RP1: variants seen among roughly 807,000 people sequenced by gnomAD.
RP1 encodes the protein oxygen-regulated protein 1.
A neutral mutation model predicts 14.8 loss-of-function variants in RP1; 16 were observed. The observed-to-expected ratio is 1.08, with a 90% CI of 0.73 to 1.65. The LOEUF (loss-of-function observed/expected upper bound fraction) is 1.65, where lower values mean the gene tolerates loss of function less well. Ranked by LOEUF, RP1 falls within the 40% of genes most tolerant of loss-of-function variation. The pLI is 0.00. For synonymous variants in RP1, 876 were observed against 883.6 expected (o/e 0.99, Z 0.15); for missense variants, 2,631 against 2,535.0 (o/e 1.04, Z -0.81).
At chr8:54,658,244 AT>A (rs1484263492) in intron 6 of RP1, among the ~76,000 whole-genome samples, 1 of 152,194 alleles carries the variant, frequency 6.6e-6, no homozygotes. Context: ...TGTTAACAGA[AT>A]TTTTATTCTT....
At chr8:54,719,998 C>T (rs1001438815) in intron 15 of RP1, 19 of 747,334 alleles carry the variant, frequency 2.5e-5, no homozygotes, top group African/African-American at 8.8e-5. Context: ...GGGCAATTTA[C>T]GTAAAAAGGC....
intron 24 of RP1, among the ~76,000 whole-genome samples, chr8:54,802,322 T>A (rs1810732698): frequency 6.6e-6 from 1 of 152,206 alleles, no homozygotes; most frequent in South Asian, 2.1e-4. Context: ...TATGTCCTGA[T>A]TCAGATGAAT....
At chr8:54,706,008 T>A (rs1808142048) in intron 14 of RP1, among the ~76,000 whole-genome samples, 1 of 152,208 alleles carries the variant, frequency 6.6e-6, no homozygotes, top group Admixed American at 6.5e-5. Flanking sequence ...TTTTCTTAAA[T>A]ATATCTTATT....
At chr8:54,714,621 A>T (rs1390111913) in intron 15 of RP1, among the ~76,000 whole-genome samples, 1 of 152,164 alleles carries the variant, frequency 6.6e-6, no homozygotes, top group Non-Finnish European at 1.5e-5. Context: ...CGTGCCTGCC[A>T]AACTGTCTTT....
At chr8:54,775,942 A>G (rs1427245818) in intron 23 of RP1, among the ~76,000 whole-genome samples, 2 of 152,250 alleles carry the variant, frequency 1.3e-5, no homozygotes, top group African/African-American at 2.4e-5. Context: ...AGGAATTGTT[A>G]GCAAATGCAG....
chr8:54,726,085 T>A (rs1031978374), intron 16 of RP1, among the ~76,000 whole-genome samples: 1 of 152,170 alleles, frequency 6.6e-6, no homozygotes, highest in African/African-American at 2.4e-5. Flanking sequence ...GTTGTTTGAT[T>A]CATATTGTGA....
At chr8:54,655,959 T>C in intron 5 of RP1, 1 of 614,172 alleles carries the variant, frequency 1.6e-6, no homozygotes, top group Non-Finnish European at 2.6e-6. Context: ...CACTGTCAAA[T>C]TATCAACAGT....
intron 1 of RP1, among the ~76,000 whole-genome samples, chr8:54,603,109 G>T (rs1417695813): frequency 1.3e-5 from 2 of 152,172 alleles, no homozygotes; most frequent in African/African-American, 4.8e-5. Context: ...TGAAGTGCTT[G>T]CCCATGCCTA....
chr8:54,737,267 C>G (rs879511506), intron 18 of RP1, among the ~76,000 whole-genome samples: 16 of 152,170 alleles, frequency 1.1e-4, no homozygotes, highest in African/African-American at 3.6e-4. Context: ...AAGGGACAAG[C>G]ATGTCAAGTC....
At chr8:54,824,930 T>C (rs1347724907) in intron 24 of RP1, among the ~76,000 whole-genome samples, 2 of 151,656 alleles carry the variant, frequency 1.3e-5, no homozygotes, top group East Asian at 3.9e-4. Context: ...CATCTACAAA[T>C]ACTCAGAGCT....
intron 25 of RP1, among the ~76,000 whole-genome samples, chr8:54,840,589 A>G (rs796697302): frequency 3.1e-4 from 36 of 117,214 alleles, no homozygotes; most frequent in African/African-American, 1.2e-3. Context: ...CATTTGTTAC[A>G]TGCAAAAAAA....
chr8:54,696,351 A>G (rs1399351533), intron 12 of RP1: 2 of 527,888 alleles, frequency 3.8e-6, no homozygotes, highest in African/African-American at 3.9e-5. Flanking sequence ...TAAGAAATGA[A>G]GGATTGGTTC....
intron 1 of RP1, among the ~76,000 whole-genome samples, chr8:54,595,776 G>T (rs1200164269): frequency 6.6e-6 from 1 of 152,066 alleles, no homozygotes; most frequent in Non-Finnish European, 1.5e-5. Flanking sequence ...TATGTTTTGA[G>T]GATAGCTGTA....
chr8:54,845,195 G>A (rs1049943909), intron 25 of RP1, among the ~76,000 whole-genome samples: 7 of 152,162 alleles, frequency 4.6e-5, no homozygotes, highest in Non-Finnish European at 8.8e-5. Context: ...AATGACTATC[G>A]GGGAGGAGCA....
chr8:54,570,332 CTT>C (rs35579675), intron 1 of RP1, among the ~76,000 whole-genome samples: 4 of 144,014 alleles, frequency 2.8e-5, no homozygotes, highest in Admixed American at 6.9e-5. Flanking sequence ...CTTTTATGTA[CTT>C]TTTTTTTTTT....
At chr8:54,696,606 GA>G in intron 12 of RP1, 1 of 768,450 alleles carries the variant, frequency 1.3e-6, no homozygotes, top group Non-Finnish European at 2.2e-6. Flanking sequence ...GTACGTCTCA[GA>G]TGACCAGAAG....
chr8:54,563,543 G>GTGT (rs1804333032), intron 1 of RP1, among the ~76,000 whole-genome samples: 4 of 119,228 alleles, frequency 3.4e-5, no homozygotes, highest in African/African-American at 1.2e-4. Flanking sequence ...TGTGTGTGTG[G>GTGT]TTTTTTTGTT....
chr8:54,627,478 AAG>A lies in RP1; in HGVS notation c.3598_3599del (p.Glu1200ThrfsTer22), dbSNP rs1244142567. ...ACAAGCCACTTTGGACTCAGTGAGA[AAG>A]AACAAGACATGGTTCCAATAGATCT... On this transcript the variant is annotated frameshift_variant, in exon 4 of 4. Coordinates refer to ENST00000220676, the MANE Select transcript of RP1 (RefSeq NM_006269.2). LOFTEE classifies it low-confidence loss of function (END_TRUNC). 6.2e-6 allele frequency: 10 copies of A among 1,614,152 alleles called. No homozygotes were observed. The highest frequency in any genetic ancestry group is 8.5e-6 in the Non-Finnish European group (10 of 1,179,974).
chr8:54,606,419 C>A (rs9692994), intron 1 of RP1, among the ~76,000 whole-genome samples: 4 of 150,760 alleles, frequency 2.7e-5, no homozygotes, highest in African/African-American at 9.9e-5. Flanking sequence ...TCTGCTGTTA[C>A]TCTGATGGGC....
Sources: gnomAD v4.1 joint callset for allele counts (sites outside exome capture counted in the v4.1 genomes callset) on GRCh38, gnomAD v4.1.1 for gene constraint, MANE v1.5 for transcripts, NCBI Gene and HGNC (gene_info 2026-07-23, HGNC 2026-07-21) for gene names.